MARCHF3: variants seen among roughly 807,000 people sequenced by gnomAD.
MARCHF3 encodes the protein membrane associated ring-CH-type finger 3.
Under a neutral mutation model 24.2 loss-of-function variants are expected in MARCHF3, and 13 were observed. The ratio of observed to expected loss-of-function variants is 0.54; its 90% CI spans 0.35 to 0.85. The LOEUF is 0.85. MARCHF3 is among the 40% of genes least tolerant of loss of function. The probability of loss-of-function intolerance (pLI) is 0.01; values close to 1 mark genes in which losing one functional copy is unlikely to be tolerated. For missense variants in MARCHF3, 276 were observed against 325.0 expected, an observed-to-expected ratio of 0.85 and a Z score of 1.16; for synonymous variants, 144 against 137.3, an observed-to-expected ratio of 1.05 and a Z score of -0.34.
At chr5:126,981,524 A>G (rs1489060108) in intron 1 of MARCHF3, among the ~76,000 whole-genome samples, 1 of 152,202 alleles carries the variant, frequency 6.6e-6, no homozygotes, top group African/African-American at 2.4e-5. Flanking sequence ...AACTTCCTTG[A>G]GTCTTACTTT....
At chr5:126,963,137 C>T (rs941030608) in intron 1 of MARCHF3, among the ~76,000 whole-genome samples, 1 of 152,042 alleles carries the variant, frequency 6.6e-6, no homozygotes, top group African/African-American at 2.4e-5. Context: ...AGTAGCCACT[C>T]AATAGAGTTT....
chr5:126,991,479 A>C (rs976677987), intron 1 of MARCHF3, among the ~76,000 whole-genome samples: 1 of 152,208 alleles, frequency 6.6e-6, no homozygotes, highest in African/African-American at 2.4e-5. Context: ...GCAAACCAAC[A>C]TGGCACATGT....
rs567470005 is a variant in MARCHF3 at position 126,896,084 on chromosome 5, C to A, written c.394-17690G>T. Reference sequence around the variant, plus strand: ...GTGACCCGATTTTCCAGGTGCCGTCCGTCACCCCTTTCTTTGACTCAGAAA... The same window carrying A: ...GTGACCCGATTTTCCAGGTGCCGTCAGTCACCCCTTTCTTTGACTCAGAAA... On this transcript the variant is annotated intron_variant, in intron 3 of 4. Transcript: ENST00000308660. Among the ~76,000 whole-genome samples, 8 of 152,230 alleles carry A rather than the reference C, an allele frequency of 5.3e-5. No individual in the cohort carries two copies. In the South Asian group the frequency reaches 6.2e-4, roughly 12 times the overall value.
chr5:126,870,573 C>T lies in MARCHF3; in HGVS notation c.*60G>A. ...TTGGGGGTCGCTCAGTGCATGACCCCAGTGCAGACACTTCCAAACCCCAAA... is the reference window on the plus strand; with the variant it reads ...TTGGGGGTCGCTCAGTGCATGACCCTAGTGCAGACACTTCCAAACCCCAAA... On this transcript the variant is annotated 3_prime_UTR_variant, in exon 5 of 5. Transcript: ENST00000308660. The T allele has an allele frequency of 1.3e-6, 2 of 1,543,978 alleles. No homozygotes were observed. The highest frequency in any genetic ancestry group is 1.7e-5 in the Admixed American group (1 of 59,544).
intron 1 of MARCHF3, among the ~76,000 whole-genome samples, chr5:126,973,939 G>A (rs1364173485): frequency 7.6e-6 from 1 of 132,340 alleles, no homozygotes; most frequent in Admixed American, 8.8e-5. Context: ...CGCCCAGGCC[G>A]GACTGCGGAC....
At chr5:127,020,254 ACATAGGAGTATCACAG>A (rs1277936324) in intron 1 of MARCHF3, among the ~76,000 whole-genome samples, 2 of 152,226 alleles carry the variant, frequency 1.3e-5, no homozygotes, top group African/African-American at 4.8e-5. Flanking sequence ...AATAGAGATC[ACATAGGAGTATCACAG>A]ATCCCAGGCA....
At chr5:127,017,911 G>C (rs1752681011) in intron 1 of MARCHF3, among the ~76,000 whole-genome samples, 2 of 152,156 alleles carry the variant, frequency 1.3e-5, no homozygotes, top group Admixed American at 6.5e-5. Flanking sequence ...TAGTGTAGAA[G>C]ATAAAGACTG....
intron 1 of MARCHF3, among the ~76,000 whole-genome samples, chr5:126,942,551 T>C (rs1033371263): frequency 1.1e-4 from 16 of 152,086 alleles, no homozygotes; most frequent in African/African-American, 3.9e-4. Context: ...TAAAGACATA[T>C]AAATAAAATA....
chr5:126,993,409 T>C (rs1051649947), intron 1 of MARCHF3, among the ~76,000 whole-genome samples: 3 of 152,148 alleles, frequency 2.0e-5, no homozygotes, highest in Non-Finnish European at 2.9e-5. Context: ...AGAATATATA[T>C]ACATGTTGAT....
intron 1 of MARCHF3, among the ~76,000 whole-genome samples, chr5:126,983,210 G>A (rs1173696338): frequency 6.6e-6 from 1 of 152,168 alleles, no homozygotes; most frequent in Non-Finnish European, 1.5e-5. Flanking sequence ...AAGGGAGTTG[G>A]CTTTGGCTTC....
chr5:127,019,549 G>C (rs954707566), intron 1 of MARCHF3, among the ~76,000 whole-genome samples: 9 of 152,290 alleles, frequency 5.9e-5, no homozygotes, highest in Admixed American at 5.9e-4. Context: ...ATCTTGGAAC[G>C]GGGGCAGCTA....
intron 1 of MARCHF3, among the ~76,000 whole-genome samples, chr5:126,981,589 T>C (rs1041817549): frequency 6.6e-6 from 1 of 152,232 alleles, no homozygotes; most frequent in Admixed American, 6.5e-5. Context: ...TGCAAGGCTT[T>C]GGGAAATACT....
intron 1 of MARCHF3, among the ~76,000 whole-genome samples, chr5:126,941,388 T>C (rs1426157763): frequency 6.6e-6 from 1 of 152,116 alleles, no homozygotes; most frequent in Non-Finnish European, 1.5e-5. Context: ...TAAAAGTTAT[T>C]GTATTCTCTA....
At chr5:126,909,421 C>T (rs189039173) in intron 3 of MARCHF3, among the ~76,000 whole-genome samples, 3,644 of 152,326 alleles carry the variant, frequency 0.024, 90 homozygotes, top group South Asian at 0.12. Flanking sequence ...CCCCCAGCCT[C>T]GCTGTCGCCT....
At chr5:126,909,583 C>T (rs536460233) in intron 3 of MARCHF3, among the ~76,000 whole-genome samples, 45 of 152,342 alleles carry the variant, frequency 3.0e-4, no homozygotes, top group Non-Finnish European at 5.1e-4. Context: ...ACTCGATTTT[C>T]CAGGTGTCGT....
chr5:126,966,528 T>C (rs1047981195), intron 1 of MARCHF3, among the ~76,000 whole-genome samples: 2 of 151,398 alleles, frequency 1.3e-5, no homozygotes, highest in African/African-American at 4.9e-5. Flanking sequence ...TGTTTATAAA[T>C]GTCAAGTGGA....
At chr5:126,990,716 C>T (rs892221110) in intron 1 of MARCHF3, among the ~76,000 whole-genome samples, 3 of 152,120 alleles carry the variant, frequency 2.0e-5, no homozygotes, top group African/African-American at 7.2e-5. Context: ...AAACAAACAA[C>T]CCCATCAAAA....
At chr5:126,898,157 CA>C (rs1401710744) in intron 3 of MARCHF3, among the ~76,000 whole-genome samples, 3 of 151,956 alleles carry the variant, frequency 2.0e-5, no homozygotes, top group African/African-American at 7.3e-5. Flanking sequence ...CGTGAAAATA[CA>C]AAATACCATG....
At chr5:127,023,106 A>G (rs1365642747) in intron 1 of MARCHF3, among the ~76,000 whole-genome samples, 1 of 152,200 alleles carries the variant, frequency 6.6e-6, no homozygotes, top group Non-Finnish European at 1.5e-5. Context: ...TGTGTTAAAC[A>G]TGACTATGTA....
Sources: gnomAD v4.1 joint callset for allele counts (sites outside exome capture counted in the v4.1 genomes callset) on GRCh38, gnomAD v4.1.1 for gene constraint, MANE v1.5 for transcripts, NCBI Gene and HGNC (gene_info 2026-07-23, HGNC 2026-07-21) for gene names.